Variants in SLC6A13 observed in about 807,000 individuals in gnomAD.
The protein encoded by SLC6A13 is solute carrier family 6 member 13.
A neutral mutation model predicts 72.9 loss-of-function variants in SLC6A13; 69 were observed. That is an observed-to-expected ratio of 0.95 (90% CI 0.78 to 1.16). The LOEUF is 1.16. SLC6A13 is among the 50% of genes most tolerant of loss of function. The pLI is 0.00. For synonymous variants in SLC6A13, 303 were observed against 303.0 expected (o/e 1.00, Z 0.00); for missense variants, 735 against 760.5 (o/e 0.97, Z 0.39).
At chr12:255,513 C>T (rs538710) in intron 2 of SLC6A13, among the ~76,000 whole-genome samples, 108,050 of 152,176 alleles carry the variant, frequency 0.71, 39,795 homozygotes, top group Non-Finnish European at 0.82. Flanking sequence ...CTGGCCAACA[C>T]GGCAAAACCT....
intron 4 of SLC6A13, among the ~76,000 whole-genome samples, chr12:238,608 T>A (rs1210619812): frequency 6.6e-6 from 1 of 152,118 alleles, no homozygotes; most frequent in Non-Finnish European, 1.5e-5. Flanking sequence ...GACTTTGGAG[T>A]TTTACAAAGA....
chr12:249,184 G>A (rs1289706039), intron 2 of SLC6A13, among the ~76,000 whole-genome samples: 4 of 151,994 alleles, frequency 2.6e-5, no homozygotes, highest in South Asian at 4.2e-4. Context: ...CAATTACCTC[G>A]GCTTCCACCT....
At chr12:246,128 A>G (rs576090256) in intron 2 of SLC6A13, among the ~76,000 whole-genome samples, 1 of 45,346 alleles carries the variant, frequency 2.2e-5, no homozygotes, top group Non-Finnish European at 5.3e-5. Flanking sequence ...AAAAAATAAA[A>G]GTAAAAATAA....
rs76642468 is a variant in SLC6A13, at chr12:222,591, A to G, written c.1456T>C (p.Tyr486His). 1.7e-4 allele frequency: 278 copies of G among 1,610,826 alleles called. 3 individuals carry two copies. The East Asian group carries it at 6.0e-3, about 35-fold the overall frequency. ...TATTTGATAAGAGGCCATGGCCTGT[A>G]CCCAATCATGTCTTCGATGTTGTCG... ...FYDNIEDMIG[Y>H]RPWPLIKYCW... The change falls in exon 13 of 15, where the codon TAC (tyrosine) becomes CAC (histidine). Residue 486 changes from tyrosine (Y) to histidine (H), a missense_variant. By Grantham distance (83) the Tyr-to-His change is moderately conservative. Coordinates refer to ENST00000343164, the MANE Select transcript of SLC6A13 (RefSeq NM_016615.5).
rs1412410760 is a variant in SLC6A13, at chr12:259,971, C to T, written c.82G>A (p.Gly28Ser). 6.2e-7 allele frequency: 1 copy of T among 1,614,082 alleles called. No individual in the cohort carries two copies. The highest frequency in any genetic ancestry group is 1.3e-5 in the African/African-American group (1 of 74,922). Residue 28 changes from glycine (G) to serine (S), a missense_variant, in exon 2 of 15, where the codon GGC becomes AGC. By Grantham distance (56) the Gly-to-Ser change is moderately conservative. Coordinates refer to ENST00000343164, the MANE Select transcript of SLC6A13 (RefSeq NM_016615.5). Reference protein sequence around the residue: ...YPVMEKKEEDGTLERGHWNNK... With the variant: ...YPVMEKKEEDSTLERGHWNNK... ...TTCCAGTGCCCCCGCTCCAGGGTGCCATCTTCCTCCTTCTTTTCCATGACT... is the reference window on the plus strand; with the variant it reads ...TTCCAGTGCCCCCGCTCCAGGGTGCTATCTTCCTCCTTCTTTTCCATGACT...
chr12:226,738 G>T, intron 8 of SLC6A13: 1 of 457,366 alleles, frequency 2.2e-6, no homozygotes, highest in Non-Finnish European at 3.9e-6. Flanking sequence ...AATAAATCAA[G>T]GTAGTCCTAA....
chr12:228,126 C>G (rs1036187899), intron 7 of SLC6A13, among the ~76,000 whole-genome samples: 2 of 152,124 alleles, frequency 1.3e-5, no homozygotes, highest in African/African-American at 4.8e-5. Context: ...TCTCAGCAAC[C>G]TCTGTCTAAA....
chr12:227,777 G>A (rs554909012), intron 7 of SLC6A13, 109 bp from the exon 8 acceptor site: 1 of 915,956 alleles, frequency 1.1e-6, no homozygotes, highest in Non-Finnish European at 1.6e-6. Flanking sequence ...GGGATGGCGA[G>A]AAACCTGTTC....
chr12:261,065 G>A (rs938117389), intron 1 of SLC6A13, among the ~76,000 whole-genome samples: 1 of 151,922 alleles, frequency 6.6e-6, no homozygotes, highest in African/African-American at 2.4e-5. Context: ...TTTCTTTTTT[G>A]GTGATGACAA....
chr12:220,813 T>C lies in SLC6A13; in HGVS notation c.*135A>G. 1 of 1,071,816 alleles carries C rather than the reference T, an allele frequency of 9.3e-7. No homozygotes were observed. Among genetic ancestry groups the C allele is most frequent in the Non-Finnish European group, 1.3e-6 (1 of 756,450 alleles). 66.4% of individuals were successfully genotyped at this position (1,071,816 alleles called of 1,614,324 possible). A position where few individuals can be genotyped will look rare whatever the true frequency, so the allele number is the denominator to read the frequency against. On this transcript the variant is annotated 3_prime_UTR_variant, in exon 15 of 15. Coordinates refer to ENST00000343164, the MANE Select transcript of SLC6A13 (RefSeq NM_016615.5). Reference sequence around the variant, plus strand: ...AGTGGGAGGCCTCCAGCTCAGCAGGTGGACTCCAAAATACCCCTCTTGTCT... The same window carrying C: ...AGTGGGAGGCCTCCAGCTCAGCAGGCGGACTCCAAAATACCCCTCTTGTCT...
At chr12:226,282 C>T in intron 9 of SLC6A13, 108 bp downstream of exon 9, 1 of 1,350,796 alleles carries the variant, frequency 7.4e-7, no homozygotes, top group Non-Finnish European at 1.1e-6. Flanking sequence ...TGAATGGTGG[C>T]CGTAGCTCAC....
chr12:232,766 G>C (rs371569348), intron 7 of SLC6A13, among the ~76,000 whole-genome samples: 2 of 152,206 alleles, frequency 1.3e-5, no homozygotes, highest in South Asian at 4.1e-4. Context: ...TCAGGACCAG[G>C]GCTACTTGAC....
intron 7 of SLC6A13, among the ~76,000 whole-genome samples, chr12:234,839 TTGC>T (rs993565063): frequency 1.3e-5 from 2 of 152,192 alleles, no homozygotes; most frequent in African/African-American, 4.8e-5. Flanking sequence ...CTTAATAAGC[TTGC>T]TTTTGCTTTA....
chr12:224,524 G>C lies in SLC6A13; in HGVS notation c.1061-11C>G. ...AAGCCAGGCCAGGGCCTACGACAAG[G>C]AGCAGAGGAACACGGGCCAGTGCCC... On this transcript the variant is annotated splice_polypyrimidine_tract_variant and intron_variant, in intron 9 of 14. Coordinates refer to ENST00000343164, the MANE Select transcript of SLC6A13 (RefSeq NM_016615.5). 6.2e-7 allele frequency: 1 copy of C among 1,611,678 alleles called. No homozygotes were observed. Among genetic ancestry groups the C allele is most frequent in the Middle Eastern group, 1.7e-4 (1 of 6,056 alleles).
In SLC6A13 at chr12:260,064, A is replaced by G. The variant is rs1429634941; in HGVS notation, c.-5-7T>C. 3.7e-6 allele frequency: 6 copies of G among 1,610,340 alleles called. No homozygotes were observed. The highest frequency in any genetic ancestry group is 5.1e-6 in the Non-Finnish European group (6 of 1,177,048). ...ACCCTGCTATCCATCCCACCTGGAA[A>G]ACAAGTGGGATGCTCTGTTACTGTT... On this transcript the variant is annotated splice_polypyrimidine_tract_variant and splice_region_variant and intron_variant, in intron 1 of 14. Coordinates refer to ENST00000343164, the MANE Select transcript of SLC6A13 (RefSeq NM_016615.5).
chr12:254,254 G>A lies in SLC6A13; in HGVS notation c.202+5597C>T, dbSNP rs1942660593. The stretch of plus-strand genomic sequence containing the variant: ...GCCACTGGCACACTGTCACTGCTAC[G>A]CAGGACTCACATGGCCCCCTTCCGC... On this transcript the variant is annotated intron_variant, in intron 2 of 14. Transcript: ENST00000343164. This position sits in a 1 kb window ranked among gnomAD's most constrained non-coding sequence, Gnocchi z 4.4. Among the ~76,000 whole-genome samples, 1 of 152,208 alleles carries A rather than the reference G, an allele frequency of 6.6e-6. No homozygotes were observed. The highest frequency in any genetic ancestry group is 2.4e-5 in the African/African-American group (1 of 41,454).
chr12:242,822 T>C (rs970654049), intron 3 of SLC6A13, 68 bp from the exon 4 acceptor site: 1 of 1,464,170 alleles, frequency 6.8e-7, no homozygotes. Flanking sequence ...TCATTTCAGC[T>C]ATGCGGGACG....
intron 5 of SLC6A13, 43 bp from the exon 6 acceptor site, chr12:237,333 C>T (rs1941971864): frequency 1.2e-6 from 2 of 1,608,546 alleles, no homozygotes; most frequent in Admixed American, 1.7e-5. Context: ...TTTCTGCCAG[C>T]CTCAGTTTTG....
chr12:239,871 G>A (rs1463512026), intron 4 of SLC6A13, among the ~76,000 whole-genome samples: 1 of 152,134 alleles, frequency 6.6e-6, no homozygotes, highest in African/African-American at 2.4e-5. Context: ...AGCGTGTCTC[G>A]TGCTATTCAA....
Sources: gnomAD v4.1 joint callset for allele counts (sites outside exome capture counted in the v4.1 genomes callset) on GRCh38, gnomAD v4.1.1 for gene constraint, Gnocchi (gnomAD v3.1) non-coding constraint, MANE v1.5 for transcripts, NCBI Gene and HGNC (gene_info 2026-07-23, HGNC 2026-07-21) for gene names.